Variants in MCTP2 observed in about 807,000 individuals in gnomAD.
MCTP2 encodes multiple C2 and transmembrane domain containing 2, also known as multiple C2 and transmembrane domain-containing protein 2.
A neutral mutation model predicts 111.6 loss-of-function variants in MCTP2; 132 were observed. That is an observed-to-expected ratio of 1.18 (90% CI 1.03 to 1.37). The LOEUF (loss-of-function observed/expected upper bound fraction) is 1.37, where lower values mean the gene tolerates loss of function less well. Ranked by LOEUF, MCTP2 falls within the 40% of genes most tolerant of loss-of-function variation. MCTP2 has a pLI of 0.00. For missense variants in MCTP2, 1,183 were observed against 1,067.9 expected, an observed-to-expected ratio of 1.11 and a Z score of -1.50; for synonymous variants, 395 against 387.7, an observed-to-expected ratio of 1.02 and a Z score of -0.22.
At chr15:94,243,362 T>C (rs2071245288) in intron 1 of MCTP2, among the ~76,000 whole-genome samples, 2 of 142,612 alleles carry the variant, frequency 1.4e-5, no homozygotes, top group African/African-American at 5.1e-5. Flanking sequence ...TACGTATGCG[T>C]ATATGCGTAT....
chr15:94,363,600 A>G (rs1460583963), intron 10 of MCTP2, among the ~76,000 whole-genome samples: 4 of 152,152 alleles, frequency 2.6e-5, no homozygotes, highest in Non-Finnish European at 4.4e-5. Flanking sequence ...GCAGGGGTGA[A>G]GGCACAAAGC....
chr15:94,330,033 A>G (rs535357669), intron 4 of MCTP2, among the ~76,000 whole-genome samples: 16 of 152,320 alleles, frequency 1.1e-4, no homozygotes, highest in Non-Finnish European at 1.6e-4. Context: ...TTTAGATGCC[A>G]CATATGAAAG....
intron 8 of MCTP2, among the ~76,000 whole-genome samples, chr15:94,353,849 G>A (rs551188655): frequency 1.3e-5 from 2 of 152,212 alleles, no homozygotes; most frequent in Admixed American, 6.5e-5. Flanking sequence ...AATGTATTCA[G>A]TATATCGATA....
chr15:94,418,429 C>T (rs2082472789), intron 17 of MCTP2, among the ~76,000 whole-genome samples: 1 of 152,054 alleles, frequency 6.6e-6, no homozygotes, highest in South Asian at 2.1e-4. Context: ...TTGCTGATGG[C>T]TTTGAAAGAT....
chr15:94,476,609 TAGATAGA>T, intron 21 of MCTP2, 80 bp from the exon 22 acceptor site: 2 of 171,908 alleles, frequency 1.2e-5, no homozygotes, highest in Non-Finnish European at 2.1e-5. Context: ...GACTGACAGA[TAGATAGA>T]TAGATAGATA....
At chr15:94,333,216 C>T (rs370591525) in intron 4 of MCTP2, among the ~76,000 whole-genome samples, 44 of 152,220 alleles carry the variant, frequency 2.9e-4, no homozygotes, top group African/African-American at 9.9e-4. Flanking sequence ...CCAGCCTGAG[C>T]CACAGAGCAA....
intron 11 of MCTP2, among the ~76,000 whole-genome samples, chr15:94,369,878 C>T (rs1301588794): frequency 1.3e-5 from 2 of 151,998 alleles, no homozygotes; most frequent in Non-Finnish European, 2.9e-5. Flanking sequence ...TTAAAGCTGT[C>T]GTTAACTAAT....
rs1205618524 is a variant in MCTP2, at chr15:94,399,832, G to A, written c.1891-89G>A. 5.5e-6 allele frequency: 6 copies of A among 1,093,848 alleles called. No individual in the cohort carries two copies. In the Admixed American group the frequency reaches 6.9e-5, roughly 13 times the overall value. The allele number at this position is 1,093,848 out of a possible 1,614,324, so 67.8% of individuals were successfully genotyped here. A position where few individuals can be genotyped will look rare whatever the true frequency, so the allele number is the denominator to read the frequency against. On this transcript the variant is annotated intron_variant, in intron 15 of 22. Coordinates refer to ENST00000357742, the MANE Select transcript of MCTP2 (RefSeq NM_001385001.1). ...CTAAGGTCAGAGTCAGAAGCTATTG[G>A]TCTGCACGATTTTCCCAGTCATTAA... is the stretch of plus-strand genomic sequence containing the variant.
In MCTP2 at chr15:94,329,452, T is replaced by A. The variant is rs571012355; in HGVS notation, c.638-9838T>A. Among the ~76,000 whole-genome samples, 31 of 152,222 alleles carry A rather than the reference T, an allele frequency of 2.0e-4. 1 individual carries two copies. Among genetic ancestry groups the A allele is most frequent in the Non-Finnish European group, 4.1e-4 (28 of 68,036 alleles). On this transcript the variant is annotated intron_variant, in intron 4 of 22. Transcript: ENST00000357742. ...TCCACAGGCTGTACAGGAAGCATGA[T>A]GCTGGCTTCTGAGGAGCTTAGAATC...
intron 14 of MCTP2, 96 bp downstream of exon 14, chr15:94,385,621 A>G (rs563350274): frequency 4.8e-6 from 4 of 825,820 alleles, no homozygotes; most frequent in South Asian, 4.3e-5. Context: ...ACCTGGGGGA[A>G]AAAAATCCTC....
At chr15:94,271,254 A>T (rs983613467) in intron 1 of MCTP2, among the ~76,000 whole-genome samples, 1 of 152,226 alleles carries the variant, frequency 6.6e-6, no homozygotes, top group African/African-American at 2.4e-5. Context: ...TTTGCAAGAT[A>T]TACCACACAT....
At chr15:94,449,328 TC>T (rs1421187195) in intron 19 of MCTP2, among the ~76,000 whole-genome samples, 1 of 152,216 alleles carries the variant, frequency 6.6e-6, no homozygotes, top group Non-Finnish European at 1.5e-5. Flanking sequence ...CATAATATGT[TC>T]CCTTGTCTAC....
intron 1 of MCTP2, among the ~76,000 whole-genome samples, chr15:94,245,395 CAT>C (rs1241808794): frequency 1.2e-4 from 6 of 49,644 alleles, no homozygotes; most frequent in African/African-American, 3.0e-4. Context: ...TATTTATATA[CAT>C]GTGTGTATAT....
chr15:94,310,822 C>T (rs2076092743), intron 2 of MCTP2, among the ~76,000 whole-genome samples: 4 of 151,610 alleles, frequency 2.6e-5, no homozygotes, highest in Admixed American at 2.6e-4. Context: ...CACTTGTAAT[C>T]TCAGCTACTC....
In MCTP2 at chr15:94,313,750, C is replaced by T. The variant is rs543486488; in HGVS notation, c.466-532C>T. Among the ~76,000 whole-genome samples, 3 of 152,116 alleles carry T rather than the reference C, an allele frequency of 2.0e-5. No homozygotes were observed. In the East Asian group the frequency reaches 5.8e-4, roughly 29 times the overall value. On this transcript the variant is annotated intron_variant, in intron 2 of 22. Coordinates refer to ENST00000357742, the MANE Select transcript of MCTP2 (RefSeq NM_001385001.1). ...CTGGGAAACATAGACACCTCTCATT[C>T]TGAGGTCATCTGTTCAGAATTTGCA...
intron 1 of MCTP2, among the ~76,000 whole-genome samples, chr15:94,249,698 T>G (rs557949852): frequency 1.2e-4 from 19 of 152,032 alleles, no homozygotes; most frequent in Admixed American, 3.3e-4. Context: ...TGTTAGCCAG[T>G]ATGGTCTCGA....
At chr15:94,439,416 T>C (rs1397598990) in intron 17 of MCTP2, among the ~76,000 whole-genome samples, 1 of 152,146 alleles carries the variant, frequency 6.6e-6, no homozygotes, top group Non-Finnish European at 1.5e-5. Context: ...AAAGTGAGAC[T>C]CAAATTTTGA....
intron 21 of MCTP2, among the ~76,000 whole-genome samples, chr15:94,475,572 G>A (rs1217337573): frequency 6.6e-6 from 1 of 152,178 alleles, no homozygotes; most frequent in Non-Finnish European, 1.5e-5. Flanking sequence ...GTACAACGAA[G>A]CTAAGAATTC....
chr15:94,451,768 G>A (rs771862977), intron 19 of MCTP2, among the ~76,000 whole-genome samples: 1 of 152,160 alleles, frequency 6.6e-6, no homozygotes, highest in South Asian at 2.1e-4. Context: ...AACTGCAGAC[G>A]ATCTTTCATA....
Sources: allele counts gnomAD v4.1 joint callset (sites outside exome capture counted in the v4.1 genomes callset), GRCh38; gene constraint gnomAD v4.1.1; transcripts MANE v1.5; gene names NCBI Gene and HGNC (gene_info 2026-07-23, HGNC 2026-07-21).